PATJ: variants seen among roughly 807,000 people sequenced by gnomAD.
PATJ encodes the protein PATJ crumbs cell polarity complex component, also known as inaD-like protein.
In PATJ, 190 loss-of-function variants were observed where a neutral mutation model predicts 224.9. That is an observed-to-expected ratio of 0.84 (90% CI 0.75 to 0.95). The LOEUF is 0.95. PATJ is among the 40% of genes least tolerant of loss of function. The pLI is 0.00. For synonymous variants in PATJ, 769 were observed against 820.3 expected, an observed-to-expected ratio of 0.94 and a Z score of 1.07; for missense variants, 2,121 against 2,270.3, an observed-to-expected ratio of 0.93 and a Z score of 1.34.
intron 37 of PATJ, among the ~76,000 whole-genome samples, chr1:62,119,789 CA>C (rs1172145833): frequency 6.6e-6 from 1 of 152,050 alleles, no homozygotes; most frequent in African/African-American, 2.4e-5. Flanking sequence ...ACTAAAAATA[CA>C]AAAATTAGCT....
At chr1:62,149,789 ACTG>A (rs1668440974) in intron 42 of PATJ, among the ~76,000 whole-genome samples, 1 of 140,538 alleles carries the variant, frequency 7.1e-6, no homozygotes, top group African/African-American at 2.8e-5. Context: ...TAATCCCACC[ACTG>A]CTAACACTGG....
chr1:62,017,423 A>AG (rs1227742401), intron 28 of PATJ, among the ~76,000 whole-genome samples: 2 of 151,338 alleles, frequency 1.3e-5, no homozygotes, highest in African/African-American at 4.9e-5. Context: ...CAAAAAAAAA[A>AG]AAAAATCAGT....
intron 38 of PATJ, among the ~76,000 whole-genome samples, chr1:62,121,591 C>T (rs1665055036): frequency 6.6e-6 from 1 of 151,592 alleles, no homozygotes; most frequent in African/African-American, 2.4e-5. Context: ...CCCCGTGAAA[C>T]CCCGTCTCTA....
chr1:61,820,467 C>T (rs577954933), intron 14 of PATJ, among the ~76,000 whole-genome samples: 8 of 152,132 alleles, frequency 5.3e-5, no homozygotes, highest in African/African-American at 1.9e-4. Context: ...CTCAGCCTCC[C>T]GAATAGCTGG....
chr1:61,846,474 T>G (rs1408919724), intron 17 of PATJ, among the ~76,000 whole-genome samples: 1 of 152,274 alleles, frequency 6.6e-6, no homozygotes, highest in Non-Finnish European at 1.5e-5. Context: ...GACTATTTCT[T>G]ATTTATAAAT....
chr1:61,777,703 CTTTT>C (rs66470863), intron 7 of PATJ, among the ~76,000 whole-genome samples: 2 of 48,746 alleles, frequency 4.1e-5, no homozygotes, highest in African/African-American at 2.1e-4. Context: ...TTCTTTCTTT[CTTTT>C]TTTTTTTTTT....
chr1:61,968,427 T>TA (rs1455857124), intron 27 of PATJ, among the ~76,000 whole-genome samples: 3 of 152,180 alleles, frequency 2.0e-5, no homozygotes, highest in Admixed American at 6.5e-5. Context: ...TTTATTACGG[T>TA]AAAAAATATA....
intron 1 of PATJ, among the ~76,000 whole-genome samples, chr1:61,761,696 T>TC (rs368161124): frequency 8.4e-4 from 127 of 151,106 alleles, no homozygotes; most frequent in East Asian, 2.7e-3. Flanking sequence ...TTTTTTTTTT[T>TC]AATTTTTGAG....
chr1:61,824,676 C>T (rs545880161), intron 15 of PATJ, among the ~76,000 whole-genome samples: 2 of 152,208 alleles, frequency 1.3e-5, no homozygotes, highest in African/African-American at 2.4e-5. Context: ...TCTTCTACCT[C>T]GGCCTCCCAA....
chr1:62,050,451 C>T (rs1653396285), intron 30 of PATJ, among the ~76,000 whole-genome samples: 2 of 152,224 alleles, frequency 1.3e-5, no homozygotes, highest in Admixed American at 6.5e-5. Context: ...GCTTTGTAAC[C>T]CACAGGGTCA....
intron 27 of PATJ, among the ~76,000 whole-genome samples, chr1:61,956,256 A>C (rs1185563746): frequency 6.6e-6 from 1 of 152,234 alleles, no homozygotes; most frequent in Admixed American, 6.5e-5. Context: ...GTGAGTGCTT[A>C]GGTTTCCAGT....
At chr1:61,935,983 C>T (rs1676804856) in intron 27 of PATJ, among the ~76,000 whole-genome samples, 1 of 151,806 alleles carries the variant, frequency 6.6e-6, no homozygotes, top group Non-Finnish European at 1.5e-5. Flanking sequence ...CTTTTTTAAG[C>T]TTAGAAGGGA....
intron 17 of PATJ, among the ~76,000 whole-genome samples, chr1:61,845,829 C>T (rs12402847): frequency 2.6e-5 from 4 of 152,088 alleles, no homozygotes; most frequent in Non-Finnish European, 5.9e-5. Context: ...AGTGTCTGCT[C>T]AGGGAGAATG....
Position 62,106,154 on chromosome 1 carries a change from G to GTATATATA in PATJ, c.4378-2282_4378-2281insATATATAT, listed in dbSNP as rs1357638316. Among the ~76,000 whole-genome samples, 104 of 48,422 alleles carry GTATATATA rather than the reference G, an allele frequency of 2.1e-3. 9 individuals carry two copies. The highest frequency in any genetic ancestry group is 3.1e-3 in the Non-Finnish European group (68 of 22,270). 31.8% of individuals were successfully genotyped at this position (48,422 alleles called of 152,430 possible). On this transcript the variant is annotated intron_variant, in intron 33 of 43. Transcript: ENST00000642238. ...TATATACATGTGTATATGTGTGTGT[G>GTATATATA]TGTGTATATATATATATATATATAT...
intron 7 of PATJ, among the ~76,000 whole-genome samples, chr1:61,777,319 C>G (rs1474787807): frequency 6.6e-6 from 1 of 152,096 alleles, no homozygotes; most frequent in African/African-American, 2.4e-5. Context: ...AATCCCAGCA[C>G]TTTGGGAAGC....
intron 27 of PATJ, among the ~76,000 whole-genome samples, chr1:61,961,220 C>T (rs989706403): frequency 9.2e-5 from 14 of 152,162 alleles, no homozygotes; most frequent in African/African-American, 3.1e-4. Flanking sequence ...TCCTTGGACA[C>T]AGTCAAATGG....
At position 62,128,222 on chromosome 1, in the gene PATJ, G is replaced by A. The variant is rs1415236061; in HGVS notation, c.5166+128G>A. On this transcript the variant is annotated intron_variant, in intron 40 of 43. Transcript: ENST00000642238. ...CAGAGACCCAGGCTGAGGGCAAGAT[G>A]CATTAGATAAACTTGATACCTTTAG... is the stretch of plus-strand genomic sequence containing the variant. 5 of 849,686 alleles carry A rather than the reference G, an allele frequency of 5.9e-6. No homozygotes were observed. The African/African-American group carries it at 6.7e-5, about 11-fold the overall frequency. 52.6% of individuals were successfully genotyped at this position (849,686 alleles called of 1,614,324 possible).
intron 39 of PATJ, among the ~76,000 whole-genome samples, chr1:62,123,526 A>G (rs1173851988): frequency 4.2e-5 from 5 of 117,700 alleles, no homozygotes; most frequent in Non-Finnish European, 6.4e-5. Flanking sequence ...CACCCAGGCT[A>G]GAGTGCACTG....
intron 27 of PATJ, among the ~76,000 whole-genome samples, chr1:61,988,092 A>G (rs12563257): frequency 0.24 from 36,796 of 152,018 alleles, 4,704 homozygotes; most frequent in East Asian, 0.45. Flanking sequence ...CCAGCTACTC[A>G]GGAGGCTGAG....
Sources: gnomAD v4.1 joint callset for allele counts (sites outside exome capture counted in the v4.1 genomes callset) on GRCh38, gnomAD v4.1.1 for gene constraint, MANE v1.5 for transcripts, NCBI Gene and HGNC (gene_info 2026-07-23, HGNC 2026-07-21) for gene names.